SCNN1D: variants seen among roughly 807,000 people sequenced by gnomAD.
SCNN1D encodes epithelial sodium channel subunit delta.
Under a neutral mutation model 87.8 loss-of-function variants are expected in SCNN1D, and 104 were observed. The observed-to-expected ratio is 1.18, with a 90% CI of 1.01 to 1.39. The LOEUF is 1.39. SCNN1D is among the 40% of genes most tolerant of loss of function. The pLI, the probability that SCNN1D is intolerant of heterozygous loss-of-function variation, is 0.00. For missense variants in SCNN1D, 1,324 were observed against 1,093.9 expected (o/e 1.21, Z -2.97); for synonymous variants, 628 against 481.2 (o/e 1.31, Z -3.99).
rs1640634311 is a variant in SCNN1D, at chr1:1,287,777, C to T, written c.1504C>T (p.Leu502=). 1 of 1,596,242 alleles carries T rather than the reference C, an allele frequency of 6.3e-7. No individual in the cohort carries two copies. The highest frequency in any genetic ancestry group is 8.5e-7 in the Non-Finnish European group (1 of 1,172,002). ...TCACGGCCGTAACCACACGCCCTTC[C>T]TGGGGCACCACAGCTTCAGCGTCCG... The part of the protein sequence containing the change: ...MVHGRNHTPF[L]GHHSFSVRPG... The change falls in exon 11 of 18, where the codon CTG becomes TTG. Residue 502 remains leucine (L), a synonymous_variant. Transcript: ENST00000379116.
rs755271062 is a variant in SCNN1D at position 1,290,330 on chromosome 1, C to T, written c.1722C>T (p.Tyr574=). ...TGGAGACCTGCTCCTGTGGCTACTA[C>T]CTCCACCCTCTGCCGGCGGGGGCTG... is the stretch of plus-strand genomic sequence containing the variant. ...LMVETCSCGY[Y]LHPLPAGAEY... Residue 574 remains tyrosine, a synonymous_variant, in exon 13 of 18, where the codon TAC becomes TAT. Coordinates refer to ENST00000379116, the MANE Select transcript of SCNN1D (RefSeq NM_001130413.4). 11 of 1,595,556 alleles carry T rather than the reference C, an allele frequency of 6.9e-6. No homozygotes were observed. The highest frequency in any genetic ancestry group is 2.2e-5 in the East Asian group (1 of 44,710).
At chr1:1,285,849 G>T in intron 6 of SCNN1D, 77 bp from the exon 7 acceptor site, 1 of 1,412,674 alleles carries the variant, frequency 7.1e-7, no homozygotes, top group South Asian at 1.4e-5. Context: ...ACTGGTGGCT[G>T]ACAGACATGA....
At chr1:1,287,471 CCGACATT>C (rs1640622009) in intron 9 of SCNN1D, 30 bp from the exon 10 acceptor site, 1 of 1,510,298 alleles carries the variant, frequency 6.6e-7, no homozygotes, top group Non-Finnish European at 8.9e-7. Flanking sequence ...GCGCGGGCAG[CCGACATT>C]CAAGGTCTGA....
chr1:1,281,873 G>T (rs970863217), intron 3 of SCNN1D: 73 of 573,230 alleles, frequency 1.3e-4, no homozygotes, highest in South Asian at 7.9e-4. Flanking sequence ...CACCAAGGCT[G>T]GGCTGTCTGC....
At position 1,286,962 on chromosome 1, in the gene SCNN1D, T is replaced by A; in HGVS notation, c.1106T>A (p.Val369Glu). Residue 369 changes from valine to glutamate, a missense_variant, in exon 8 of 18, where the codon GTG (valine) becomes GAG (glutamate). By Grantham distance (121) the Val-to-Glu change is moderately radical. Coordinates refer to ENST00000379116, the MANE Select transcript of SCNN1D (RefSeq NM_001130413.4). ...AGCCACTCGGGCAGCCGGGTCAGAG[T>A]GGGGTTCAGACTGGTGAGTGTCCCA... ...RLSHSGSRVR[V>E]GFRLCNSTGG... 6.2e-7 allele frequency: 1 copy of A among 1,610,260 alleles called. No homozygotes were observed. Among genetic ancestry groups the A allele is most frequent in the Non-Finnish European group, 8.5e-7 (1 of 1,179,452 alleles).
At chr1:1,284,605 G>C (rs1373445348) in intron 5 of SCNN1D, among the ~76,000 whole-genome samples, 1 of 151,212 alleles carries the variant, frequency 6.6e-6, no homozygotes, top group South Asian at 2.1e-4. Context: ...TGGACCACGG[G>C]GGGTGCCGAG....
Position 1,285,590 on chromosome 1 carries a change from C to T in SCNN1D, c.484C>T (p.Pro162Ser), listed in dbSNP as rs1640571111. 1 of 1,540,212 alleles carries T rather than the reference C, an allele frequency of 6.5e-7. No individual in the cohort carries two copies. ...LTSRSPGPVAPQRPCHLKGWQ... is the reference protein window; with the variant it reads ...LTSRSPGPVASQRPCHLKGWQ... ...GGGTAGATCGCCTGGGCCTGTGGCT[C>T]CCCAGAGGCCCTGCCACCTGAAGGG... The change falls in exon 6 of 18, where the codon CCC becomes TCC. Residue 162 changes from proline (P) to serine (S), a missense_variant. Pro to Ser is a moderately conservative substitution (Grantham distance 74, BLOSUM62 -1). Coordinates refer to ENST00000379116, the MANE Select transcript of SCNN1D (RefSeq NM_001130413.4).
intron 7 of SCNN1D, 94 bp downstream of exon 7, chr1:1,286,372 G>C (rs1386923121): frequency 6.8e-6 from 7 of 1,027,716 alleles, no homozygotes; most frequent in Non-Finnish European, 9.8e-6. Flanking sequence ...CCCTGTAGCC[G>C]AGGAGGGGGC....
In SCNN1D at chr1:1,281,206, C is replaced by A; in HGVS notation, c.6-20C>A. The A allele has an allele frequency of 6.5e-7, 1 of 1,534,194 alleles. No individual in the cohort carries two copies. The highest frequency in any genetic ancestry group is 1.2e-5 in the South Asian group (1 of 83,990). ...GTCCTGGCTGGGGTCCCACAGATGC[C>A]AGGCGCCTGCCATCTCCAGGGCAGT... On this transcript the variant is annotated intron_variant, in intron 1 of 17. Transcript: ENST00000379116.
At position 1,282,222 on chromosome 1, in the gene SCNN1D, C is replaced by T. The variant is rs1406943420; in HGVS notation, c.278-20C>T. 8.2e-6 allele frequency: 11 copies of T among 1,337,382 alleles called. No homozygotes were observed. The highest frequency in any genetic ancestry group is 3.8e-5 in the South Asian group (3 of 79,806). The allele number at this position is 1,337,382 out of a possible 1,614,324, so 82.8% of individuals were successfully genotyped here. A position where few individuals can be genotyped will look rare whatever the true frequency, so the allele number is the denominator to read the frequency against. ...CTCGGGAAGGCCACACAGCCAGTGA[C>T]GAAGCTGTGATTCACACAGGCCTGG... On this transcript the variant is annotated intron_variant, in intron 3 of 17. Transcript: ENST00000379116.
At chr1:1,288,370 T>C (rs1323644580) in intron 12 of SCNN1D, among the ~76,000 whole-genome samples, 1 of 42,750 alleles carries the variant, frequency 2.3e-5, no homozygotes, top group Non-Finnish European at 3.6e-5. Flanking sequence ...CTCCGTCCCG[T>C]GTCCCTGCTC....
chr1:1,281,566 AC>A lies in SCNN1D; in HGVS notation c.238del (p.Leu80SerfsTer56), dbSNP rs1222271157. 2 of 1,535,276 alleles carry A rather than the reference AC, an allele frequency of 1.3e-6. No individual in the cohort carries two copies. Among genetic ancestry groups the A allele is most frequent in the African/African-American group, 2.7e-5 (2 of 72,892 alleles). On this transcript the variant is annotated frameshift_variant, in exon 3 of 18. Transcript: ENST00000379116. LOFTEE classifies it high-confidence loss of function. ...AGTGCTGGACATGTGCTCTGTGGCT[AC>A]CCCCTCTGCCTACTCTCTGGCCCGA... ...FTSAGHVLCG[Y>X]PLCLLSGPIQ...
Position 1,291,922 on chromosome 1 carries a change from G to A in SCNN1D, c.*312G>A, listed in dbSNP as rs1640833479. 6 of 267,468 alleles carry A rather than the reference G, an allele frequency of 2.2e-5. No homozygotes were observed. In the East Asian group the frequency reaches 4.0e-4, roughly 18 times the overall value. 16.6% of individuals were successfully genotyped at this position (267,468 alleles called of 1,614,324 possible). On this transcript the variant is annotated 3_prime_UTR_variant, in exon 18 of 18. Transcript: ENST00000379116. ...GCATGTCCACACGTCTGATGCACCT[G>A]TGTACGTGTGTCAAGCCTAGCCACC...
At chr1:1,282,457 G>A (rs963203910) in intron 4 of SCNN1D, 142 bp downstream of exon 4, 51 of 969,290 alleles carry the variant, frequency 5.3e-5, no homozygotes, top group African/African-American at 4.3e-4. Context: ...ACCTGGGCCC[G>A]GCTCGGGTCT....
At chr1:1,287,022 G>A in intron 8 of SCNN1D, 47 bp downstream of exon 8, 1 of 1,593,986 alleles carries the variant, frequency 6.3e-7, no homozygotes, top group Non-Finnish European at 8.6e-7. Context: ...CTTGAGCTGG[G>A]AGCACGGCCC....
intron 4 of SCNN1D, among the ~76,000 whole-genome samples, chr1:1,283,591 A>G (rs542505397): frequency 6.6e-6 from 1 of 152,266 alleles, no homozygotes; most frequent in East Asian, 1.9e-4. Context: ...CCAGCTACTC[A>G]GGAGGCTGAA....
rs571100294 is a variant in SCNN1D at position 1,291,724 on chromosome 1, G to A, written c.*114G>A. On this transcript the variant is annotated 3_prime_UTR_variant, in exon 18 of 18. Transcript: ENST00000379116. ...ACCAGCAGCCCAGGAAGCAGCACAC[G>A]CGGCCGTGGGGAGGCAGGCACCGGG... 2.7e-4 allele frequency: 198 copies of A among 729,478 alleles called. No homozygotes were observed. Among genetic ancestry groups the A allele is most frequent in the Middle Eastern group, 1.2e-3 (3 of 2,586 alleles). 45.2% of individuals were successfully genotyped at this position (729,478 alleles called of 1,614,324 possible). A position where few individuals can be genotyped will look rare whatever the true frequency, so the allele number is the denominator to read the frequency against.
rs1206235849 is a variant in SCNN1D, at chr1:1,290,531, C to T, written c.1835C>T (p.Thr612Ile). Reference sequence around the variant, plus strand: ...CTGGAGACCCACCGGCTCCCCTGTACCTCCCGCTGCCCCAGGCCCTGCAGG... The same window carrying T: ...CTGGAGACCCACCGGCTCCCCTGTATCTCCCGCTGCCCCAGGCCCTGCAGG... The part of the protein sequence containing the change: ...QDLETHRLPC[T>I]SRCPRPCRES... The change falls in exon 14 of 18, where the codon ACC (threonine) becomes ATC (isoleucine). Residue 612 changes from threonine to isoleucine, a missense_variant. Coordinates refer to ENST00000379116, the MANE Select transcript of SCNN1D (RefSeq NM_001130413.4). The T allele has an allele frequency of 1.9e-6, 3 of 1,612,684 alleles. No individual in the cohort carries two copies. Among genetic ancestry groups the T allele is most frequent in the Non-Finnish European group, 2.5e-6 (3 of 1,179,920 alleles).
chr1:1,287,369 C>T (rs904398735), intron 9 of SCNN1D, 70 bp downstream of exon 9: 1 of 1,494,918 alleles, frequency 6.7e-7, no homozygotes. Context: ...CCTGGGGTCC[C>T]TCTGGCTGTA....
Sources: gnomAD v4.1 joint callset for allele counts (sites outside exome capture counted in the v4.1 genomes callset) on GRCh38, gnomAD v4.1.1 for gene constraint, MANE v1.5 for transcripts, NCBI Gene and HGNC (gene_info 2026-07-23, HGNC 2026-07-21) for gene names.